APBB2: variants seen among roughly 807,000 people sequenced by gnomAD.
APBB2 encodes amyloid beta precursor protein binding family B member 2.
A neutral mutation model predicts 82.5 loss-of-function variants in APBB2; 38 were observed. The ratio of observed to expected loss-of-function variants is 0.46; its 90% confidence interval spans 0.36 to 0.60. APBB2 has a LOEUF of 0.60. APBB2 is among the 20% of genes least tolerant of loss of function. The pLI is 0.00. For missense variants in APBB2, 772 were observed against 972.3 expected (o/e 0.79, Z 2.74); for synonymous variants, 341 against 368.2 (o/e 0.93, Z 0.85).
chr4:40,851,362 C>T (rs1394761928), intron 12 of APBB2, among the ~76,000 whole-genome samples: 1 of 152,182 alleles, frequency 6.6e-6, no homozygotes, highest in Non-Finnish European at 1.5e-5. Flanking sequence ...ACGTCTGCCC[C>T]AGCCATTTTA....
rs189792134 is a variant in APBB2, at chr4:40,893,226, G to A, written c.1401+39C>T. The stretch of plus-strand genomic sequence containing the variant: ...GGGGCTTCCTGAAATGCAGGAGAAC[G>A]TAAACAGCCTGCCGTGCATCATTCT... On this transcript the variant is annotated intron_variant, in intron 11 of 17. Coordinates refer to ENST00000508593, the MANE Select transcript of APBB2 (RefSeq NM_004307.2). The A allele has an allele frequency of 6.9e-3, 10,968 of 1,600,542 alleles. 61 individuals are homozygous for A. The highest frequency in any genetic ancestry group is 8.6e-3 in the Non-Finnish European group (10,048 of 1,171,808).
chr4:41,160,000 A>C (rs141884611), intron 1 of APBB2, among the ~76,000 whole-genome samples: 1 of 143,754 alleles, frequency 7.0e-6, no homozygotes, highest in Admixed American at 6.7e-5. Context: ...GAAGAAGAAG[A>C]AGAAGAAGAA....
chr4:40,957,316 ATT>A (rs34681125), intron 6 of APBB2, among the ~76,000 whole-genome samples: 1 of 151,560 alleles, frequency 6.6e-6, no homozygotes, highest in Non-Finnish European at 1.5e-5. Flanking sequence ...CAACAATCAC[ATT>A]TTTTTTTATT....
intron 6 of APBB2, among the ~76,000 whole-genome samples, chr4:40,984,580 G>T (rs1283573542): frequency 6.6e-6 from 1 of 152,052 alleles, no homozygotes; most frequent in South Asian, 2.1e-4. Context: ...GGCCAGAAAT[G>T]GTTTTCTGGT....
chr4:40,813,300 T>A lies in APBB2; in HGVS notation c.*2792A>T, dbSNP rs1414011072. 2 of 152,100 alleles carry A rather than the reference T, an allele frequency of 1.3e-5. No homozygotes were observed. Among genetic ancestry groups the A allele is most frequent in the East Asian group, 3.9e-4 (2 of 5,190 alleles). The allele number at this position is 152,100 out of a possible 1,614,324, so 9.4% of individuals were successfully genotyped here. On this transcript the variant is annotated 3_prime_UTR_variant, in exon 18 of 18. Coordinates refer to ENST00000508593, the MANE Select transcript of APBB2 (RefSeq NM_004307.2). Reference sequence around the variant, plus strand: ...TATATTTCAGTAAAAATAGAATAAATAAAATAAAAATATTTTAAGCTGTAT... The same window carrying A: ...TATATTTCAGTAAAAATAGAATAAAAAAAATAAAAATATTTTAAGCTGTAT...
At chr4:40,820,142 T>C (rs1003806682) in intron 17 of APBB2, among the ~76,000 whole-genome samples, 6 of 152,360 alleles carry the variant, frequency 3.9e-5, no homozygotes, top group Admixed American at 1.3e-4. Flanking sequence ...CTGAATTAAA[T>C]GAAGCCCAGG....
At chr4:41,184,835 T>C (rs529817135) in intron 1 of APBB2, among the ~76,000 whole-genome samples, 8 of 152,248 alleles carry the variant, frequency 5.3e-5, no homozygotes, top group African/African-American at 2.4e-5. Context: ...TGACATTCAC[T>C]GCAGAGCTCT....
At chr4:41,038,174 C>T (rs1202218711) in intron 4 of APBB2, among the ~76,000 whole-genome samples, 2 of 151,396 alleles carry the variant, frequency 1.3e-5, no homozygotes, top group Admixed American at 6.6e-5. Context: ...ACAGAGAGAG[C>T]TTGCAACCCC....
intron 6 of APBB2, among the ~76,000 whole-genome samples, chr4:40,999,685 T>C (rs1418088188): frequency 3.9e-5 from 6 of 152,194 alleles, no homozygotes; most frequent in African/African-American, 1.4e-4. Context: ...AACCCAGACC[T>C]ACTGAATCAG....
At chr4:40,976,143 A>C (rs1797124536) in intron 6 of APBB2, among the ~76,000 whole-genome samples, 2 of 152,316 alleles carry the variant, frequency 1.3e-5, no homozygotes, top group South Asian at 4.2e-4. Context: ...GTTTCACATA[A>C]AACCTTCATT....
intron 11 of APBB2, 149 bp downstream of exon 11, chr4:40,893,116 A>G: frequency 1.1e-6 from 1 of 897,740 alleles, no homozygotes; most frequent in Non-Finnish European, 1.7e-6. Context: ...ACACGGGGGT[A>G]CCATGCCTAC....
intron 5 of APBB2, among the ~76,000 whole-genome samples, chr4:41,029,412 G>A (rs557691757): frequency 8.5e-5 from 13 of 152,280 alleles, no homozygotes; most frequent in African/African-American, 2.6e-4. Flanking sequence ...GGAGATGGGA[G>A]GATTTGAACC....
At chr4:40,990,479 T>C (rs1043915027) in intron 6 of APBB2, among the ~76,000 whole-genome samples, 19 of 152,170 alleles carry the variant, frequency 1.2e-4, no homozygotes, top group African/African-American at 4.6e-4. Context: ...TGAAAGACAC[T>C]GTGCCATAAC....
At chr4:40,916,685 A>G (rs1779920356) in intron 10 of APBB2, among the ~76,000 whole-genome samples, 1 of 152,202 alleles carries the variant, frequency 6.6e-6, no homozygotes, top group Non-Finnish European at 1.5e-5. Context: ...GAAGCCCAGG[A>G]GGTCCAGAAA....
chr4:40,923,528 G>A (rs895029888), intron 10 of APBB2, among the ~76,000 whole-genome samples: 1 of 152,204 alleles, frequency 6.6e-6, no homozygotes, highest in Non-Finnish European at 1.5e-5. Context: ...GTTCAGTTCT[G>A]TGATTATTCA....
intron 3 of APBB2, among the ~76,000 whole-genome samples, chr4:41,069,446 C>T (rs1421683542): frequency 6.6e-6 from 1 of 152,202 alleles, no homozygotes; most frequent in Non-Finnish European, 1.5e-5. Flanking sequence ...CTTTTATGTT[C>T]CCCAGACAGC....
intron 3 of APBB2, among the ~76,000 whole-genome samples, chr4:41,075,591 C>T (rs1735381924): frequency 6.6e-6 from 1 of 152,134 alleles, no homozygotes; most frequent in Non-Finnish European, 1.5e-5. Flanking sequence ...GATAAAGGGG[C>T]TCTTAGAAAA....
At chr4:41,125,531 C>T (rs554842273) in intron 2 of APBB2, among the ~76,000 whole-genome samples, 3 of 151,568 alleles carry the variant, frequency 2.0e-5, no homozygotes, top group African/African-American at 7.3e-5. Flanking sequence ...TAGGATACAT[C>T]GAAAAAAAAC....
At chr4:41,080,275 A>G (rs1180896359) in intron 3 of APBB2, among the ~76,000 whole-genome samples, 1 of 152,384 alleles carries the variant, frequency 6.6e-6, no homozygotes, top group East Asian at 1.9e-4. Flanking sequence ...ATTTATCTGC[A>G]TATGCCTCAG....
Sources: allele counts gnomAD v4.1 joint callset (sites outside exome capture counted in the v4.1 genomes callset), GRCh38; gene constraint gnomAD v4.1.1; transcripts MANE v1.5; gene names NCBI Gene and HGNC (gene_info 2026-07-23, HGNC 2026-07-21).